The following ALKBH1 variants were observed in gnomAD, a reference collection of about 807,000 sequenced individuals.
The protein encoded by ALKBH1 is nucleic acid dioxygenase ALKBH1.
Under a neutral mutation model 36.6 loss-of-function variants are expected in ALKBH1, and 31 were observed. The observed-to-expected ratio is 0.85, with a 90% CI of 0.64 to 1.14. The LOEUF is 1.14. ALKBH1 is among the 50% of genes most tolerant of loss of function. The pLI, the probability that ALKBH1 is intolerant of heterozygous loss-of-function variation, is 0.00. For missense variants in ALKBH1, 490 were observed against 497.3 expected (o/e 0.99, Z 0.14); for synonymous variants, 183 against 186.6 (o/e 0.98, Z 0.16).
intron 2 of ALKBH1, 129 bp downstream of exon 2, chr14:77,704,240 T>C: frequency 5.6e-6 from 4 of 716,718 alleles, no homozygotes; most frequent in Non-Finnish European, 9.6e-6. Flanking sequence ...GGTTTGGAAA[T>C]GAAACATTTA....
intron 3 of ALKBH1, among the ~76,000 whole-genome samples, chr14:77,687,627 C>T (rs2080275126): frequency 6.6e-6 from 1 of 152,128 alleles, no homozygotes; most frequent in South Asian, 2.1e-4. Context: ...GTTTTCATTA[C>T]ACCAATTAAT....
At chr14:77,683,296 C>T in intron 3 of ALKBH1, 1 of 754,582 alleles carries the variant, frequency 1.3e-6, no homozygotes, top group East Asian at 2.5e-5. Flanking sequence ...GGCAGGCTGG[C>T]ACTTCAGTTG....
In ALKBH1 at chr14:77,692,468, C is replaced by T. The variant is rs113298640; in HGVS notation, c.455+2270G>A. ...GGCATTAGATTCTCAATAAGGAGTGCGCAACCTAGATCCCTTGCATGTACA... is the reference window on the plus strand; with the variant it reads ...GGCATTAGATTCTCAATAAGGAGTGTGCAACCTAGATCCCTTGCATGTACA... On this transcript the variant is annotated intron_variant, in intron 3 of 5. Transcript: ENST00000216489. Among the ~76,000 whole-genome samples, 7 of 152,146 alleles carry T rather than the reference C, an allele frequency of 4.6e-5. No homozygotes were observed. The South Asian group carries it at 6.2e-4, about 14-fold the overall frequency.
intron 3 of ALKBH1, among the ~76,000 whole-genome samples, chr14:77,691,298 A>G (rs2080295867): frequency 6.6e-6 from 1 of 152,052 alleles, no homozygotes; most frequent in Non-Finnish European, 1.5e-5. Context: ...TTCCCTGACT[A>G]TAGAATTCTA....
chr14:77,693,062 C>T (rs890576394), intron 3 of ALKBH1, among the ~76,000 whole-genome samples: 15 of 151,806 alleles, frequency 9.9e-5, no homozygotes, highest in Admixed American at 2.0e-4. Context: ...CAAAATTAGC[C>T]GGGTGTGGTG....
At chr14:77,706,100 C>T (rs2080388540) in intron 1 of ALKBH1, among the ~76,000 whole-genome samples, 1 of 117,848 alleles carries the variant, frequency 8.5e-6, no homozygotes, top group Non-Finnish European at 2.0e-5. Flanking sequence ...CATATATACA[C>T]ACACACATAT....
chr14:77,696,084 T>G (rs2080325273), intron 2 of ALKBH1, among the ~76,000 whole-genome samples: 1 of 152,130 alleles, frequency 6.6e-6, no homozygotes, highest in Non-Finnish European at 1.5e-5. Flanking sequence ...AGAGCCAGAC[T>G]CTGTCTCAAA....
At chr14:77,693,392 C>CT (rs2080309256) in intron 3 of ALKBH1, among the ~76,000 whole-genome samples, 1 of 152,038 alleles carries the variant, frequency 6.6e-6, no homozygotes, top group African/African-American at 2.4e-5. Flanking sequence ...TTGAACATAA[C>CT]TAAAGTACAA....
intron 3 of ALKBH1, among the ~76,000 whole-genome samples, chr14:77,685,471 T>C (rs534891766): frequency 1.3e-5 from 2 of 148,440 alleles, no homozygotes; most frequent in East Asian, 4.1e-4. Context: ...GGACTCTAAC[T>C]GTATGATTAA....
chr14:77,673,921 G>A lies in ALKBH1; in HGVS notation c.1061C>T (p.Pro354Leu), dbSNP rs1343114928. The change falls in exon 6 of 6, where the codon CCT becomes CTT. Residue 354 changes from proline (P) to leucine (L), a missense_variant. Pro to Leu is a moderately conservative substitution (Grantham distance 98). Transcript: ENST00000216489. Reference protein sequence around the residue: ...RQVLATDQNFPLEPIEDEKRD... With the variant: ...RQVLATDQNFLLEPIEDEKRD... ...TTTTTCATCCTCGATGGGTTCTAGA[G>A]GGAAATTCTGGTCTGTGGCCAGGAC... 15 of 1,614,070 alleles carry A rather than the reference G, an allele frequency of 9.3e-6. 1 individual carries two copies. In the East Asian group the frequency reaches 1.8e-4, roughly 19 times the overall value.
intron 2 of ALKBH1, among the ~76,000 whole-genome samples, chr14:77,699,912 G>C (rs943197998): frequency 6.6e-6 from 1 of 151,896 alleles, no homozygotes; most frequent in Non-Finnish European, 1.5e-5. Context: ...AAAATTAGCT[G>C]GGCGTGGTGG....
At chr14:77,695,887 G>A (rs982412683) in intron 2 of ALKBH1, among the ~76,000 whole-genome samples, 1 of 152,148 alleles carries the variant, frequency 6.6e-6, no homozygotes, top group East Asian at 1.9e-4. Flanking sequence ...ATGAGGTCAG[G>A]AGTTTGAGAC....
At chr14:77,691,448 G>A (rs759713) in intron 3 of ALKBH1, among the ~76,000 whole-genome samples, 71,331 of 151,824 alleles carry the variant, frequency 0.47, 16,987 homozygotes, top group African/African-American at 0.5. Flanking sequence ...AGAGACTCTG[G>A]CAAAGTTGGG....
intron 1 of ALKBH1, among the ~76,000 whole-genome samples, chr14:77,705,354 T>C (rs2139868626): frequency 7.2e-6 from 1 of 139,682 alleles, no homozygotes; most frequent in Middle Eastern, 4.3e-3. Flanking sequence ...AAAGTTGCAG[T>C]GAGCTGAGAT....
chr14:77,703,497 T>C (rs1423821598), intron 2 of ALKBH1, among the ~76,000 whole-genome samples: 2 of 151,734 alleles, frequency 1.3e-5, no homozygotes, highest in African/African-American at 4.8e-5. Flanking sequence ...GGGTTTCACC[T>C]TGTTAGCCAG....
intron 4 of ALKBH1, among the ~76,000 whole-genome samples, chr14:77,676,306 T>C (rs901269051): frequency 6.6e-6 from 1 of 152,142 alleles, no homozygotes; most frequent in African/African-American, 2.4e-5. Flanking sequence ...TTGGGGTATC[T>C]AATGATCTAA....
intron 2 of ALKBH1, chr14:77,697,214 T>C (rs1443411485): frequency 6.4e-6 from 1 of 157,458 alleles, no homozygotes; most frequent in African/African-American, 2.4e-5. Flanking sequence ...GCATTACCCT[T>C]CCTGCACAGT....
At chr14:77,677,119 A>C (rs1335727194) in intron 4 of ALKBH1, among the ~76,000 whole-genome samples, 1 of 151,630 alleles carries the variant, frequency 6.6e-6, no homozygotes, top group East Asian at 1.9e-4. Flanking sequence ...TGCTCACTGC[A>C]ACCTCTGCCT....
intron 3 of ALKBH1, chr14:77,683,143 T>C (rs2267765): frequency 0.45 from 228,792 of 508,582 alleles, 56,960 homozygotes; most frequent in African/African-American, 0.5. Flanking sequence ...CACCAAGCTG[T>C]AAAGTCTTTT....
Sources: allele counts gnomAD v4.1 joint callset (sites outside exome capture counted in the v4.1 genomes callset), GRCh38; gene constraint gnomAD v4.1.1; transcripts MANE v1.5; gene names NCBI Gene and HGNC (gene_info 2026-07-23, HGNC 2026-07-21).